The following GFOD1 variants were observed in gnomAD, a reference collection of about 807,000 sequenced individuals.
GFOD1 encodes glucose-fructose oxidoreductase domain-containing protein 1.
A neutral mutation model predicts 25.4 loss-of-function variants in GFOD1; 9 were observed. The ratio of observed to expected loss-of-function variants is 0.35; its 90% CI spans 0.21 to 0.62. The LOEUF (loss-of-function observed/expected upper bound fraction) is 0.62, where lower values mean the gene tolerates loss of function less well. Ranked by LOEUF, GFOD1 falls within the 20% of genes least tolerant of loss-of-function variation. The pLI is 0.72. For missense variants in GFOD1, 403 were observed against 556.9 expected, an observed-to-expected ratio of 0.72 and a Z score of 2.78; for synonymous variants, 253 against 245.6, an observed-to-expected ratio of 1.03 and a Z score of -0.28.
intron 1 of GFOD1, among the ~76,000 whole-genome samples, chr6:13,433,478 G>A (rs1476983225): frequency 6.6e-6 from 1 of 152,162 alleles, no homozygotes; most frequent in Admixed American, 6.5e-5. Context: ...ATATTTAGCA[G>A]CATTCCTGGC....
intron 1 of GFOD1, among the ~76,000 whole-genome samples, chr6:13,426,326 C>T (rs769139405): frequency 1.3e-5 from 2 of 152,240 alleles, no homozygotes; most frequent in Non-Finnish European, 2.9e-5. Context: ...CAGGAAGCCA[C>T]AGAAACAGGC....
rs150439789 is a variant in GFOD1 at position 13,460,977 on chromosome 6, C to G, written c.253+25661G>C. ...ACCTCAAGAAGGCCCTCAGCAGACA[C>G]CAGATGCTGGCACCTTGGTCCTGGA... On this transcript the variant is annotated intron_variant, in intron 1 of 1. Coordinates refer to ENST00000379287, the MANE Select transcript of GFOD1 (RefSeq NM_018988.4). 3.2e-4 allele frequency among the ~76,000 whole-genome samples: 49 copies of G among 152,326 alleles called. 4 individuals are homozygous for G. The highest frequency in any genetic ancestry group is 1.1e-3 in the African/African-American group (47 of 41,574).
At chr6:13,389,405 C>T (rs557237358) in intron 1 of GFOD1, among the ~76,000 whole-genome samples, 5 of 152,204 alleles carry the variant, frequency 3.3e-5, no homozygotes, top group Admixed American at 6.5e-5. Context: ...AATTGTGGCA[C>T]ATATACACCA....
intron 1 of GFOD1, among the ~76,000 whole-genome samples, chr6:13,375,586 G>T (rs1024306417): frequency 1.3e-5 from 2 of 152,156 alleles, no homozygotes; most frequent in African/African-American, 4.8e-5. Flanking sequence ...TTGGAAAGAG[G>T]GTTACAGCCA....
At chr6:13,400,236 G>A (rs1785816178) in intron 1 of GFOD1, among the ~76,000 whole-genome samples, 1 of 152,192 alleles carries the variant, frequency 6.6e-6, no homozygotes, top group African/African-American at 2.4e-5. Flanking sequence ...TGGGATAAAT[G>A]TTAAAATATC....
At chr6:13,374,737 T>C (rs191578966) in intron 1 of GFOD1, among the ~76,000 whole-genome samples, 2,904 of 144,758 alleles carry the variant, frequency 0.02, 92 homozygotes, top group African/African-American at 0.069. Flanking sequence ...TCTTTTTTTT[T>C]TTTTTTTTTT....
Position 13,463,646 on chromosome 6 carries a change from TGAAA to T in GFOD1, c.253+22988_253+22991del, listed in dbSNP as rs1727999864. 2.6e-5 allele frequency among the ~76,000 whole-genome samples: 4 copies of T among 152,232 alleles called. No individual in the cohort carries two copies. In the South Asian group the frequency reaches 6.2e-4, roughly 24 times the overall value. The stretch of plus-strand genomic sequence containing the variant: ...GCTTTTCCTCTTCTTGTTAATGAAA[TGAAA>T]GAAAGAAAATACGATAGCATTTCAC... On this transcript the variant is annotated intron_variant, in intron 1 of 1. Transcript: ENST00000379287.
At chr6:13,465,129 C>A (rs1758356983) in intron 1 of GFOD1, among the ~76,000 whole-genome samples, 2 of 152,010 alleles carry the variant, frequency 1.3e-5, no homozygotes. Context: ...AATTGATCAT[C>A]TAAAGCAGGG....
At chr6:13,381,146 G>A (rs145467637) in intron 1 of GFOD1, among the ~76,000 whole-genome samples, 4 of 152,352 alleles carry the variant, frequency 2.6e-5, no homozygotes, top group Non-Finnish European at 5.9e-5. Flanking sequence ...TGCTGGCTGG[G>A]CTGAGTCCTG....
At chr6:13,476,040 T>C (rs1359329706) in intron 1 of GFOD1, among the ~76,000 whole-genome samples, 4 of 152,236 alleles carry the variant, frequency 2.6e-5, no homozygotes, top group Non-Finnish European at 5.9e-5. Flanking sequence ...TGGTAGTTTC[T>C]TAAAAAGTTA....
At chr6:13,448,753 C>G (rs1758046884) in intron 1 of GFOD1, among the ~76,000 whole-genome samples, 2 of 152,176 alleles carry the variant, frequency 1.3e-5, no homozygotes, top group Non-Finnish European at 2.9e-5. Context: ...AATTTATAAA[C>G]TTTTCCAAAA....
chr6:13,475,553 C>CAA (rs139660793), intron 1 of GFOD1, among the ~76,000 whole-genome samples: 335 of 124,764 alleles, frequency 2.7e-3, no homozygotes, highest in Non-Finnish European at 4.1e-3. Flanking sequence ...ACTAAAAATA[C>CAA]AAAAAAAAAA....
chr6:13,391,511 C>CAAAAAAAAAAAAAAA (rs57340590), intron 1 of GFOD1, among the ~76,000 whole-genome samples: 99 of 108,592 alleles, frequency 9.1e-4, no homozygotes, highest in African/African-American at 1.5e-3. Flanking sequence ...AACAAACAAA[C>CAAAAAAAAAAAAAAA]AAAAAAAAAA....
At chr6:13,390,318 T>C (rs945657231) in intron 1 of GFOD1, among the ~76,000 whole-genome samples, 1 of 152,232 alleles carries the variant, frequency 6.6e-6, no homozygotes, top group Admixed American at 6.5e-5. Context: ...GGGCTGGGCA[T>C]GGTGGCTCAG....
intron 1 of GFOD1, among the ~76,000 whole-genome samples, chr6:13,440,916 C>A (rs1757904400): frequency 6.6e-6 from 1 of 152,138 alleles, no homozygotes; most frequent in Non-Finnish European, 1.5e-5. Flanking sequence ...TGTTCCTCCC[C>A]ACAGACAGAA....
intron 1 of GFOD1, among the ~76,000 whole-genome samples, chr6:13,475,082 T>C (rs1758586687): frequency 6.6e-6 from 1 of 152,172 alleles, no homozygotes; most frequent in Admixed American, 6.5e-5. Flanking sequence ...ACAAAACCAA[T>C]GCTTACAAAT....
At chr6:13,428,816 C>T (rs939232872) in intron 1 of GFOD1, among the ~76,000 whole-genome samples, 4 of 152,184 alleles carry the variant, frequency 2.6e-5, no homozygotes, top group Non-Finnish European at 4.4e-5. Flanking sequence ...CCCTTTGGCC[C>T]TCCATCAGAA....
intron 1 of GFOD1, among the ~76,000 whole-genome samples, chr6:13,441,939 C>T (rs1757922315): frequency 6.6e-6 from 1 of 152,180 alleles, no homozygotes; most frequent in African/African-American, 2.4e-5. Flanking sequence ...CAGCCCTGGA[C>T]AGGATATCAT....
chr6:13,483,521 A>G (rs1322407070), intron 1 of GFOD1, among the ~76,000 whole-genome samples: 2 of 152,006 alleles, frequency 1.3e-5, no homozygotes, highest in South Asian at 4.1e-4. Context: ...ACTGCCAGAT[A>G]CTCCATACCT....
Sources: gnomAD v4.1 joint callset for allele counts (sites outside exome capture counted in the v4.1 genomes callset) on GRCh38, gnomAD v4.1.1 for gene constraint, MANE v1.5 for transcripts, NCBI Gene and HGNC (gene_info 2026-07-23, HGNC 2026-07-21) for gene names.